STPG2: variants seen among roughly 807,000 people sequenced by gnomAD.
The protein encoded by STPG2 is sperm tail PG-rich repeat containing 2, also known as sperm-tail PG-rich repeat-containing protein 2.
A neutral mutation model predicts 54.2 loss-of-function variants in STPG2; 56 were observed. That is an observed-to-expected ratio of 1.03 (90% CI 0.83 to 1.29). The LOEUF is 1.29. STPG2 is among the 50% of genes most tolerant of loss of function. STPG2 has a pLI of 0.00. For synonymous variants in STPG2, 200 were observed against 181.8 expected (o/e 1.10, Z -0.81); for missense variants, 596 against 544.9 (o/e 1.09, Z -0.93).
At chr4:97,538,823 A>T (rs1038902982) in intron 4 of STPG2, among the ~76,000 whole-genome samples, 4 of 152,236 alleles carry the variant, frequency 2.6e-5, no homozygotes, top group Non-Finnish European at 5.9e-5. Flanking sequence ...AGGGAAGCAC[A>T]TCAGACTAAC....
intron 5 of STPG2, among the ~76,000 whole-genome samples, chr4:98,100,493 A>G (rs910990369): frequency 6.6e-6 from 1 of 152,056 alleles, no homozygotes; most frequent in Non-Finnish European, 1.5e-5. Flanking sequence ...ATAAGCAAAG[A>G]GCATTCCAAG....
chr4:98,128,287 T>G, intron 3 of STPG2, 141 bp downstream of exon 3: 1 of 755,590 alleles, frequency 1.3e-6, no homozygotes, highest in Non-Finnish European at 2.0e-6. Context: ...TTTGGGGGTC[T>G]ATTTGTTACC....
At chr4:97,497,779 A>C (rs988777990) in intron 4 of STPG2, among the ~76,000 whole-genome samples, 3 of 151,890 alleles carry the variant, frequency 2.0e-5, no homozygotes, top group African/African-American at 7.2e-5. Flanking sequence ...AAATATTAAT[A>C]AGGAAAACAT....
At chr4:97,550,974 T>C (rs968386935) in intron 4 of STPG2, among the ~76,000 whole-genome samples, 1 of 151,616 alleles carries the variant, frequency 6.6e-6, no homozygotes, top group African/African-American at 2.4e-5. Flanking sequence ...CAAGATGTAT[T>C]GCGAAGAAGG....
At chr4:98,068,493 C>CA in intron 5 of STPG2, among the ~76,000 whole-genome samples, 1 of 151,980 alleles carries the variant, frequency 6.6e-6, no homozygotes, top group Admixed American at 6.6e-5. Context: ...GAATGAAACG[C>CA]AAGTATTTAA....
In STPG2 at chr4:97,930,083, G is replaced by C. The variant is rs1732485150; in HGVS notation, c.1044+13814C>G. On this transcript the variant is annotated intron_variant, in intron 8 of 10. Transcript: ENST00000295268. Reference sequence around the variant, plus strand: ...CCAGCTAATTTTTGTATTTTTAGTAGAGATGAGGTTTCACCATGTTGGCCA... The same window carrying C: ...CCAGCTAATTTTTGTATTTTTAGTACAGATGAGGTTTCACCATGTTGGCCA... Among the ~76,000 whole-genome samples, 3 of 152,066 alleles carry C rather than the reference G, an allele frequency of 2.0e-5. No homozygotes were observed. The South Asian group carries it at 6.2e-4, about 32-fold the overall frequency.
At chr4:97,615,665 CAATT>C (rs1468320694) in intron 10 of STPG2, among the ~76,000 whole-genome samples, 1 of 151,876 alleles carries the variant, frequency 6.6e-6, no homozygotes, top group Admixed American at 6.6e-5. Context: ...ACCGATATAT[CAATT>C]GTTTGTGGCC....
At chr4:97,593,657 C>T (rs1233795470) in intron 10 of STPG2, among the ~76,000 whole-genome samples, 1 of 152,126 alleles carries the variant, frequency 6.6e-6, no homozygotes, top group East Asian at 1.9e-4. Context: ...AGCCAATGCC[C>T]CTGTACCCCA....
At chr4:97,570,951 C>T (rs1732584636) in intron 10 of STPG2, among the ~76,000 whole-genome samples, 1 of 151,926 alleles carries the variant, frequency 6.6e-6, no homozygotes, top group South Asian at 2.1e-4. Context: ...CATTTCAGTC[C>T]TATGGGGTTT....
At chr4:97,865,034 A>G (rs1729714475) in intron 8 of STPG2, among the ~76,000 whole-genome samples, 2 of 152,232 alleles carry the variant, frequency 1.3e-5, no homozygotes, top group African/African-American at 2.4e-5. Context: ...AGACATGGGC[A>G]AGGACTTCAT....
chr4:97,543,236 C>T (rs1005166569), intron 4 of STPG2, among the ~76,000 whole-genome samples: 10 of 151,402 alleles, frequency 6.6e-5, no homozygotes, highest in Admixed American at 2.6e-4. Context: ...AAAGAAATTT[C>T]GTTTATAAAG....
intron 5 of STPG2, among the ~76,000 whole-genome samples, chr4:98,095,768 A>G (rs1027023451): frequency 1.3e-5 from 2 of 152,220 alleles, no homozygotes; most frequent in African/African-American, 4.8e-5. Context: ...TCTCCCAAAG[A>G]GAAAATCAAC....
rs750554045 is a variant in STPG2, at chr4:97,991,933, G to A, written c.613-10615C>T. Among the ~76,000 whole-genome samples, 38 of 144,292 alleles carry A rather than the reference G, an allele frequency of 2.6e-4. 1 individual carries two copies. Among genetic ancestry groups the A allele is most frequent in the South Asian group, 2.3e-4 (1 of 4,394 alleles). 94.7% of individuals were successfully genotyped at this position (144,292 alleles called of 152,430 possible). ...TGAGAATTGTCTATTCATGTCCTTT[G>A]CCCACTTTTTATGAAATTGTTTTCT... On this transcript the variant is annotated intron_variant, in intron 5 of 10. Coordinates refer to ENST00000295268, the MANE Select transcript of STPG2 (RefSeq NM_174952.3).
At chr4:97,897,708 T>C (rs1578665803) in intron 8 of STPG2, among the ~76,000 whole-genome samples, 1 of 152,284 alleles carries the variant, frequency 6.6e-6, no homozygotes. Context: ...ATGTCTTCTT[T>C]TGAAAAGTGT....
intron 10 of STPG2, among the ~76,000 whole-genome samples, chr4:97,625,801 A>T (rs1463398082): frequency 6.6e-6 from 1 of 152,230 alleles, no homozygotes; most frequent in Non-Finnish European, 1.5e-5. Context: ...GACTAGAGTG[A>T]TAACCACTGT....
chr4:97,716,455 C>A (rs1724290934), intron 9 of STPG2, among the ~76,000 whole-genome samples: 1 of 152,048 alleles, frequency 6.6e-6, no homozygotes, highest in Non-Finnish European at 1.5e-5. Context: ...ACCCAAATGC[C>A]CATCAATGAT....
intron 5 of STPG2, among the ~76,000 whole-genome samples, chr4:98,020,709 C>A (rs944566816): frequency 6.6e-6 from 1 of 152,160 alleles, no homozygotes; most frequent in Non-Finnish European, 1.5e-5. Context: ...TGTTATTGGT[C>A]TATTCAGAGA....
At position 97,694,551 on chromosome 4, in the gene STPG2, G is replaced by T. The variant is rs556545260; in HGVS notation, c.1320+18148C>A. ...AGGCCAGGTGCAGTGGCTCACGCCT[G>T]TAATCCCAGCACTTTGGGAGGCCGA... is the stretch of plus-strand genomic sequence containing the variant. On this transcript the variant is annotated intron_variant, in intron 10 of 10. Transcript: ENST00000295268. Among the ~76,000 whole-genome samples, 225 of 152,140 alleles carry T rather than the reference G, an allele frequency of 1.5e-3. 1 individual carries two copies. Among genetic ancestry groups the T allele is most frequent in the African/African-American group, 5.3e-3 (222 of 41,536 alleles).
At chr4:97,886,614 G>GA (rs759839892) in intron 8 of STPG2, among the ~76,000 whole-genome samples, 12 of 152,148 alleles carry the variant, frequency 7.9e-5, no homozygotes, top group Non-Finnish European at 1.5e-4. Context: ...TAATTTTAAG[G>GA]AAAAGACTAT....
Sources: gnomAD v4.1 joint callset for allele counts (sites outside exome capture counted in the v4.1 genomes callset) on GRCh38, gnomAD v4.1.1 for gene constraint, MANE v1.5 for transcripts, NCBI Gene and HGNC (gene_info 2026-07-23, HGNC 2026-07-21) for gene names.